The following ZNF324B variants were observed in gnomAD, a reference collection of about 807,000 sequenced individuals.
ZNF324B encodes zinc finger protein 324B.
In ZNF324B, 7 loss-of-function variants were observed where a neutral mutation model predicts 10.6. The ratio of observed to expected loss-of-function variants is 0.66; its 90% CI spans 0.38 to 1.24. The LOEUF (loss-of-function observed/expected upper bound fraction) is 1.24, where lower values mean the gene tolerates loss of function less well. Ranked by LOEUF, ZNF324B falls within the 50% of genes most tolerant of loss-of-function variation. The probability of loss-of-function intolerance (pLI) is 0.02; values close to 1 mark genes in which losing one functional copy is unlikely to be tolerated. For missense variants in ZNF324B, 640 were observed against 764.7 expected, an observed-to-expected ratio of 0.84 and a Z score of 1.92; for synonymous variants, 316 against 321.0, an observed-to-expected ratio of 0.98 and a Z score of 0.17.
the ZNF324B span, chr19:58,445,361 A>C: frequency 1.9e-6 from 1 of 513,106 alleles, no homozygotes; most frequent in African/African-American, 1.9e-5. Flanking sequence ...TGATGTGCAC[A>C]AAGTGATTCA....
intron 2 of ZNF324B, 27 bp downstream of exon 2, chr19:58,453,849 G>C: frequency 6.2e-7 from 1 of 1,605,550 alleles, no homozygotes; most frequent in African/African-American, 1.3e-5. Flanking sequence ...TCCATGAAAA[G>C]TGCACTTGGT....
upstream of ZNF324B, among the ~76,000 whole-genome samples, chr19:58,451,015 G>T (rs2052851833): frequency 6.6e-6 from 1 of 152,212 alleles, no homozygotes; most frequent in African/African-American, 2.4e-5. Flanking sequence ...CAAGTTTTGG[G>T]CGAGCGTCCA....
chr19:58,427,452 C>CCTTTCCCTTCCTTCCTTCCTT, the ZNF324B span, among the ~76,000 whole-genome samples: 3 of 47,064 alleles, frequency 6.4e-5, no homozygotes, highest in South Asian at 7.7e-4. Flanking sequence ...CCTTTCCTTT[C>CCTTTCCCTTCCTTCCTTCCTT]CCTTCCTTCC....
chr19:58,439,722 T>A, the ZNF324B span: 1 of 1,493,074 alleles, frequency 6.7e-7, no homozygotes, highest in Non-Finnish European at 8.9e-7. Flanking sequence ...AGGGCCGGAA[T>A]CCCAGCGGGT....
chr19:58,421,128 T>G, the ZNF324B span, among the ~76,000 whole-genome samples: 5 of 151,972 alleles, frequency 3.3e-5, no homozygotes, highest in African/African-American at 1.2e-4. Flanking sequence ...GCCAAGGCAG[T>G]GGCAAACTGC....
the ZNF324B span, among the ~76,000 whole-genome samples, chr19:58,422,422 G>C: frequency 6.6e-6 from 1 of 152,124 alleles, no homozygotes; most frequent in African/African-American, 2.4e-5. Flanking sequence ...AGCCAGGCAA[G>C]AGAAAAGAAA....
chr19:58,426,066 G>A, the ZNF324B span, among the ~76,000 whole-genome samples: 1 of 152,198 alleles, frequency 6.6e-6, no homozygotes, highest in South Asian at 2.1e-4. Context: ...TCTGCAGATC[G>A]ATGAGTTCTT....
At chr19:58,433,041 G>A in the ZNF324B span, 6 of 334,844 alleles carry the variant, frequency 1.8e-5, no homozygotes, top group East Asian at 2.0e-4. Context: ...AGAGAACACA[G>A]GAAGGAAGGC....
In ZNF324B at chr19:58,451,690, C is replaced by G. The variant is rs879015009; in HGVS notation, c.-21C>G. ...GTGGCGCGCGGGTCGGGGCCCGAGG[C>G]GGGCGGCCAGGAAGGTACGGACCAC... On this transcript the variant is annotated 5_prime_UTR_variant, in exon 1 of 4. Coordinates refer to ENST00000336614, the MANE Select transcript of ZNF324B (RefSeq NM_207395.3). 6.0e-6 allele frequency: 3 copies of G among 499,386 alleles called. No homozygotes were observed. Among genetic ancestry groups the G allele is most frequent in the Non-Finnish European group, 7.9e-6 (2 of 251,934 alleles). The allele number at this position is 499,386 out of a possible 1,614,324, so 30.9% of individuals were successfully genotyped here. A position where few individuals can be genotyped will look rare whatever the true frequency, so the allele number is the denominator to read the frequency against.
chr19:58,433,248 G>T, the ZNF324B span: 4 of 1,468,098 alleles, frequency 2.7e-6, no homozygotes, highest in East Asian at 4.5e-5. Context: ...AATTTTTCTG[G>T]TATGGGGATT....
At chr19:58,454,613 G>A in intron 3 of ZNF324B, 1 of 561,584 alleles carries the variant, frequency 1.8e-6, no homozygotes, top group Non-Finnish European at 3.2e-6. Flanking sequence ...AGCCATTATT[G>A]ATAGGTATTT....
At chr19:58,434,434 T>C in the ZNF324B span, 1 of 1,614,274 alleles carries the variant, frequency 6.2e-7, no homozygotes, top group South Asian at 1.1e-5. Context: ...AATTCTCTGA[T>C]GATGAACAAA....
chr19:58,448,680 T>C (rs1421328714), upstream of ZNF324B, among the ~76,000 whole-genome samples: 1 of 152,084 alleles, frequency 6.6e-6, no homozygotes, highest in Non-Finnish European at 1.5e-5. Context: ...TGAGCCAAGA[T>C]TGCAACACTG....
At chr19:58,439,692 A>C in the ZNF324B span, 4 of 1,457,704 alleles carry the variant, frequency 2.7e-6, no homozygotes, top group African/African-American at 1.5e-5. Flanking sequence ...CATCCCCTCT[A>C]TCTGGGCTTC....
upstream of ZNF324B, among the ~76,000 whole-genome samples, chr19:58,450,312 C>G (rs1486591504): frequency 1.3e-5 from 2 of 151,898 alleles, no homozygotes; most frequent in African/African-American, 2.4e-5. Context: ...TGAAAACAGA[C>G]TAATACACCA....
chr19:58,434,235 A>G, the ZNF324B span: 3 of 1,614,172 alleles, frequency 1.9e-6, no homozygotes, highest in Non-Finnish European at 2.5e-6. Context: ...GACTGCACTC[A>G]TAAGGTCTTA....
chr19:58,432,498 A>G, the ZNF324B span, among the ~76,000 whole-genome samples: 3 of 152,032 alleles, frequency 2.0e-5, no homozygotes, highest in Non-Finnish European at 2.9e-5. Flanking sequence ...CTCTATGCAC[A>G]TAGAGTCCTC....
upstream of ZNF324B, among the ~76,000 whole-genome samples, chr19:58,447,327 C>A (rs1683510335): frequency 6.6e-6 from 1 of 152,206 alleles, no homozygotes; most frequent in Non-Finnish European, 1.5e-5. Flanking sequence ...GGTCAATCAG[C>A]TGCCCCAGGT....
chr19:58,424,397 A>T, the ZNF324B span, among the ~76,000 whole-genome samples: 1 of 152,244 alleles, frequency 6.6e-6, no homozygotes, highest in Non-Finnish European at 1.5e-5. Flanking sequence ...GTTAATAATC[A>T]TCCAAAGTTT....
Sources: gnomAD v4.1 joint callset for allele counts (sites outside exome capture counted in the v4.1 genomes callset) on GRCh38, gnomAD v4.1.1 for gene constraint, MANE v1.5 for transcripts, NCBI Gene and HGNC (gene_info 2026-07-23, HGNC 2026-07-21) for gene names.